CNTN5: variants seen among roughly 807,000 people sequenced by gnomAD.
CNTN5 encodes the protein contactin-5.
Under a neutral mutation model 129.1 loss-of-function variants are expected in CNTN5, and 77 were observed. That is an observed-to-expected ratio of 0.60 (90% CI 0.50 to 0.72). The LOEUF is 0.72. Ranked by LOEUF, CNTN5 falls within the 30% of genes least tolerant of loss-of-function variation. CNTN5 has a pLI of 0.00. For missense variants in CNTN5, 1,478 were observed against 1,328.8 expected (o/e 1.11, Z -1.75); for synonymous variants, 509 against 465.6 (o/e 1.09, Z -1.20).
chr11:100,244,251 T>C lies in CNTN5; in HGVS notation c.2006-11509T>C, dbSNP rs577007884. 2.6e-5 allele frequency among the ~76,000 whole-genome samples: 4 copies of C among 152,302 alleles called. No individual in the cohort carries two copies. The South Asian group carries it at 8.3e-4, about 32-fold the overall frequency. ...ATTTTTCAGTCTTTTGGAATATTTG[T>C]TTACTTATTCCCTTTTTCTACCAAC... On this transcript the variant is annotated intron_variant, in intron 16 of 24. Coordinates refer to ENST00000524871, the MANE Select transcript of CNTN5 (RefSeq NM_014361.4).
At chr11:99,103,262 C>T (rs1451925480) in intron 1 of CNTN5, among the ~76,000 whole-genome samples, 1 of 152,136 alleles carries the variant, frequency 6.6e-6, no homozygotes, top group Non-Finnish European at 1.5e-5. Context: ...TGCTGTGTTT[C>T]TGTGTCATTG....
At chr11:99,961,535 T>C (rs901085534) in intron 8 of CNTN5, among the ~76,000 whole-genome samples, 1 of 152,150 alleles carries the variant, frequency 6.6e-6, no homozygotes, top group Non-Finnish European at 1.5e-5. Context: ...ATATGCCCAA[T>C]GGAAGCTTGA....
intron 2 of CNTN5, among the ~76,000 whole-genome samples, chr11:99,445,520 C>G (rs1045379406): frequency 5.3e-5 from 8 of 152,084 alleles, no homozygotes; most frequent in Non-Finnish European, 8.8e-5. Context: ...TTACTTAGTG[C>G]TGGGCATGTA....
chr11:100,231,400 A>T (rs1036431672), intron 16 of CNTN5, among the ~76,000 whole-genome samples: 3 of 152,196 alleles, frequency 2.0e-5, no homozygotes, highest in Non-Finnish European at 2.9e-5. Context: ...AAAGATAGGA[A>T]GGAGGCAGGA....
chr11:99,700,131 A>T (rs2134862033), intron 3 of CNTN5, among the ~76,000 whole-genome samples: 1 of 151,578 alleles, frequency 6.6e-6, no homozygotes, highest in East Asian at 1.9e-4. Flanking sequence ...TGCCAAATTT[A>T]CCCAGAGAAA....
chr11:99,950,423 A>G (rs898176308), intron 7 of CNTN5, among the ~76,000 whole-genome samples: 3 of 152,172 alleles, frequency 2.0e-5, no homozygotes, highest in African/African-American at 7.2e-5. Flanking sequence ...GGAGCTTGCA[A>G]TGAGCCAAGA....
chr11:99,883,351 C>A (rs1948820799), intron 6 of CNTN5, among the ~76,000 whole-genome samples: 2 of 152,144 alleles, frequency 1.3e-5, no homozygotes, highest in Admixed American at 6.5e-5. Flanking sequence ...TGAGGGTCCC[C>A]TTTTCTCCCT....
At chr11:99,354,493 A>G (rs1007735557) in intron 2 of CNTN5, among the ~76,000 whole-genome samples, 1 of 152,202 alleles carries the variant, frequency 6.6e-6, no homozygotes, top group African/African-American at 2.4e-5. Context: ...ATGAAAGACA[A>G]CACTAGTCAG....
At chr11:100,045,571 A>G (rs967536375) in intron 9 of CNTN5, among the ~76,000 whole-genome samples, 6 of 152,154 alleles carry the variant, frequency 3.9e-5, no homozygotes, top group Middle Eastern at 3.2e-3. Context: ...GACTTGTCTA[A>G]TGCTTTAACT....
At chr11:99,395,676 T>C (rs1377716988) in intron 2 of CNTN5, among the ~76,000 whole-genome samples, 1 of 151,822 alleles carries the variant, frequency 6.6e-6, no homozygotes, top group African/African-American at 2.4e-5. Flanking sequence ...TAGCTTGGGG[T>C]TTTACATTTA....
intron 3 of CNTN5, among the ~76,000 whole-genome samples, chr11:99,684,795 A>C (rs997706439): frequency 6.6e-6 from 1 of 151,678 alleles, no homozygotes; most frequent in Non-Finnish European, 1.5e-5. Context: ...AGGGATCTAT[A>C]TTGATGATTC....
At chr11:99,599,648 T>G (rs1296863740) in intron 3 of CNTN5, among the ~76,000 whole-genome samples, 1 of 152,144 alleles carries the variant, frequency 6.6e-6, no homozygotes, top group Non-Finnish European at 1.5e-5. Flanking sequence ...TATACCAAGG[T>G]TAATATGTTC....
In CNTN5 at chr11:100,357,544, G is replaced by A. The variant is rs925995601; in HGVS notation, c.*1324G>A. ...CTAACAAGCACAAGAATGTGCCAGA[G>A]TTGGCATCATACCCATGAAGATGCG... On this transcript the variant is annotated 3_prime_UTR_variant, in exon 25 of 25. Transcript: ENST00000524871. 1 of 151,756 alleles carries A rather than the reference G, an allele frequency of 6.6e-6. No homozygotes were observed. The highest frequency in any genetic ancestry group is 1.5e-5 in the Non-Finnish European group (1 of 67,804). 9.4% of individuals were successfully genotyped at this position (151,756 alleles called of 1,614,324 possible).
intron 1 of CNTN5, among the ~76,000 whole-genome samples, chr11:99,165,755 TAA>T (rs1860836775): frequency 1.3e-5 from 2 of 152,152 alleles, no homozygotes; most frequent in Admixed American, 1.3e-4. Context: ...CAGGTCAAAA[TAA>T]GAGATCGCAT....
rs1168048639 is a variant in CNTN5, at chr11:99,269,134, GGGTGTGGTAGAGCTGCCT to G, written c.-209-56207_-209-56190del. 1.8e-4 allele frequency among the ~76,000 whole-genome samples: 27 copies of G among 152,002 alleles called. No homozygotes were observed. In the East Asian group the frequency reaches 2.3e-3, roughly 13 times the overall value. On this transcript the variant is annotated intron_variant, in intron 1 of 24. Coordinates refer to ENST00000524871, the MANE Select transcript of CNTN5 (RefSeq NM_014361.4). ...CGAAGTGCCAAAGCACCATGATGTT[GGGTGTGGTAGAGCTGCCT>G]GGTGCCTTAGTCTTATTTCCATCTC...
intron 18 of CNTN5, among the ~76,000 whole-genome samples, chr11:100,279,032 A>G (rs950894750): frequency 6.6e-6 from 1 of 152,024 alleles, no homozygotes; most frequent in African/African-American, 2.4e-5. Flanking sequence ...AATTTTATCA[A>G]ATGCTTTTTC....
chr11:99,956,728 A>G, intron 7 of CNTN5, 78 bp from the exon 8 acceptor site: 1 of 1,037,348 alleles, frequency 9.6e-7, no homozygotes, highest in Non-Finnish European at 1.5e-6. Flanking sequence ...AATGCTTTCT[A>G]AAGGCTTTGT....
At chr11:99,080,923 T>G (rs1865763914) in intron 1 of CNTN5, among the ~76,000 whole-genome samples, 1 of 151,944 alleles carries the variant, frequency 6.6e-6, no homozygotes, top group Non-Finnish European at 1.5e-5. Flanking sequence ...TTAGAGACAG[T>G]TGCATTTGTT....
chr11:99,674,579 G>A (rs1429535750), intron 3 of CNTN5, among the ~76,000 whole-genome samples: 2 of 152,094 alleles, frequency 1.3e-5, no homozygotes, highest in Non-Finnish European at 2.9e-5. Flanking sequence ...TTGCCTTTGT[G>A]AAAGCTGCAA....
Sources: gnomAD v4.1 joint callset for allele counts (sites outside exome capture counted in the v4.1 genomes callset) on GRCh38, gnomAD v4.1.1 for gene constraint, MANE v1.5 for transcripts, NCBI Gene and HGNC (gene_info 2026-07-23, HGNC 2026-07-21) for gene names.